YOD1: variants seen among roughly 807,000 people sequenced by gnomAD.
YOD1 encodes YOD1 deubiquitinase.
A neutral mutation model predicts 23.7 loss-of-function variants in YOD1; 17 were observed. The ratio of observed to expected loss-of-function variants is 0.72; its 90% CI spans 0.49 to 1.07. The LOEUF (loss-of-function observed/expected upper bound fraction) is 1.07, where lower values mean the gene tolerates loss of function less well. Among genes scored for constraint, YOD1 ranks in the 50% least tolerant of loss-of-function variants. The pLI is 0.00. For synonymous variants in YOD1, 191 were observed against 169.6 expected, an observed-to-expected ratio of 1.13 and a Z score of -0.98; for missense variants, 413 against 447.2, an observed-to-expected ratio of 0.92 and a Z score of 0.69.
chr1:207,052,331 A>T, upstream of YOD1: 1 of 1,087,546 alleles, frequency 9.2e-7, no homozygotes, highest in Non-Finnish European at 1.4e-6. Context: ...AGCCTGGGTT[A>T]GGGGGTAGGT....
Position 207,049,231 on chromosome 1 carries a change from T to A in YOD1, c.836A>T (p.Asp279Val), listed in dbSNP as rs779118246. ...GGAGAAAATGGTCAGAGGAGGTGTA[T>A]CTGGATCAGGGAAGTTACGCTGAAG... is the stretch of plus-strand genomic sequence containing the variant. ...DPLQRNFPDP[D>V]TPPLTIFSSN... is the part of the protein sequence containing the mutation. Residue 279 changes from aspartate to valine, a missense_variant, in exon 2 of 2, where the codon GAT (aspartate) becomes GTT (valine). Physicochemically the swap from Asp to Val is radical, Grantham distance 152 (BLOSUM62 -3). Transcript: ENST00000315927. 2 of 1,614,122 alleles carry A rather than the reference T, an allele frequency of 1.2e-6. No individual in the cohort carries two copies. Among genetic ancestry groups the A allele is most frequent in the South Asian group, 2.2e-5 (2 of 91,086 alleles).
chr1:207,049,759 A>T (rs1434161809), intron 1 of YOD1, 36 bp from the exon 2 acceptor site: 3 of 1,563,666 alleles, frequency 1.9e-6, no homozygotes, highest in Non-Finnish European at 2.6e-6. Context: ...TCTGCAAAGA[A>T]ATTACAGAAG....
rs1483857802 is a variant in YOD1 at position 207,048,486 on chromosome 1, C to A, written c.*534G>T. 1.3e-5 allele frequency: 2 copies of A among 153,832 alleles called. No homozygotes were observed. Among genetic ancestry groups the A allele is most frequent in the South Asian group, 2.0e-4 (1 of 4,932 alleles). The allele number at this position is 153,832 out of a possible 1,614,324, so 9.5% of individuals were successfully genotyped here. ...CAATTCATAATTTAGAAACTTAACT[C>A]ATTCAGAGTTTTTAAAAAGACTCAG... On this transcript the variant is annotated 3_prime_UTR_variant, in exon 2 of 2. Transcript: ENST00000315927.
chr1:207,047,113 A>C lies in YOD1; in HGVS notation c.*1907T>G, dbSNP rs939850280. 3 of 152,584 alleles carry C rather than the reference A, an allele frequency of 2.0e-5. No individual in the cohort carries two copies. The highest frequency in any genetic ancestry group is 7.2e-5 in the African/African-American group (3 of 41,466). 9.5% of individuals were successfully genotyped at this position (152,584 alleles called of 1,614,324 possible). On this transcript the variant is annotated 3_prime_UTR_variant, in exon 2 of 2. Coordinates refer to ENST00000315927, the MANE Select transcript of YOD1 (RefSeq NM_018566.4). ...AAACCAAAACCATCCAGATCAGATGAGAGTCAGGTGTGGAGAGATTTTCAA... is the reference window on the plus strand; with the variant it reads ...AAACCAAAACCATCCAGATCAGATGCGAGTCAGGTGTGGAGAGATTTTCAA...
upstream of YOD1, among the ~76,000 whole-genome samples, chr1:207,051,850 A>G (rs1244788072): frequency 6.6e-6 from 1 of 152,244 alleles, no homozygotes; most frequent in Non-Finnish European, 1.5e-5. Flanking sequence ...TGTGCCTCGC[A>G]AATAAAAAGT....
rs1489259329 is a variant in YOD1 at position 207,048,114 on chromosome 1, T to G, written c.*906A>C. 1 of 152,616 alleles carries G rather than the reference T, an allele frequency of 6.6e-6. No individual in the cohort carries two copies. Among genetic ancestry groups the G allele is most frequent in the Non-Finnish European group, 1.5e-5 (1 of 68,032 alleles). The allele number at this position is 152,616 out of a possible 1,614,324, so 9.5% of individuals were successfully genotyped here. A position where few individuals can be genotyped will look rare whatever the true frequency, so the allele number is the denominator to read the frequency against. On this transcript the variant is annotated 3_prime_UTR_variant, in exon 2 of 2. Transcript: ENST00000315927. ...GAAGAAAAAACTGAGGACTCGAATT[T>G]CAAGGAATTTCAATTAAAAAAGTAC...
Position 207,049,234 on chromosome 1 carries a change from G to C in YOD1, c.833C>G (p.Pro278Arg). ...GAAAATGGTCAGAGGAGGTGTATCT[G>C]GATCAGGGAAGTTACGCTGAAGTGG... The part of the protein sequence containing the change: ...YDPLQRNFPD[P>R]DTPPLTIFSS... The change falls in exon 2 of 2, where the codon CCA becomes CGA. Residue 278 changes from proline (P) to arginine (R), a missense_variant. Pro to Arg is a moderately radical substitution (Grantham distance 103). Coordinates refer to ENST00000315927, the MANE Select transcript of YOD1 (RefSeq NM_018566.4). 6.2e-7 allele frequency: 1 copy of C among 1,614,106 alleles called. No individual in the cohort carries two copies. Among genetic ancestry groups the C allele is most frequent in the Non-Finnish European group, 8.5e-7 (1 of 1,180,016 alleles).
upstream of YOD1, among the ~76,000 whole-genome samples, chr1:207,051,562 G>C (rs886334586): frequency 3.3e-5 from 5 of 152,208 alleles, no homozygotes; most frequent in Admixed American, 1.3e-4. Flanking sequence ...TGCCACTTCA[G>C]AAAGCACAGT....
At chr1:207,051,363 A>G (rs974910573), upstream of YOD1, among the ~76,000 whole-genome samples, 1 of 152,188 alleles carries the variant, frequency 6.6e-6, no homozygotes, top group Non-Finnish European at 1.5e-5. Context: ...AGACTACACC[A>G]GGAGAAACAG....
At position 207,045,615 on chromosome 1, in the gene YOD1, A is replaced by T. The variant is rs1682581048; in HGVS notation, c.*3405T>A. On this transcript the variant is annotated 3_prime_UTR_variant, in exon 2 of 2. Transcript: ENST00000315927. The stretch of plus-strand genomic sequence containing the variant: ...GATTTGTCAAAAAAAAAAAAAAATC[A>T]CTCTTGCTTAATCTTGCATACTTCC... The T allele has an allele frequency of 6.6e-6, 1 of 151,654 alleles. No homozygotes were observed. The highest frequency in any genetic ancestry group is 2.4e-5 in the African/African-American group (1 of 41,188). 9.4% of individuals were successfully genotyped at this position (151,654 alleles called of 1,614,324 possible).
At position 207,045,339 on chromosome 1, in the gene YOD1, GA is replaced by G. The variant is rs1334031346; in HGVS notation, c.*3680del. 2 of 152,442 alleles carry G rather than the reference GA, an allele frequency of 1.3e-5. No individual in the cohort carries two copies. Among genetic ancestry groups the G allele is most frequent in the Non-Finnish European group, 2.9e-5 (2 of 67,920 alleles). 9.4% of individuals were successfully genotyped at this position (152,442 alleles called of 1,614,324 possible). A position where few individuals can be genotyped will look rare whatever the true frequency, so the allele number is the denominator to read the frequency against. ...ACAGACCATGCTCCTAATAGTTACT[GA>G]AATTGAGTTCTACTGTTATCAAAAC... On this transcript the variant is annotated 3_prime_UTR_variant, in exon 2 of 2. Transcript: ENST00000315927.
intron 1 of YOD1, 146 bp downstream of exon 1, chr1:207,050,542 T>C: frequency 9.6e-7 from 1 of 1,044,042 alleles, no homozygotes. Flanking sequence ...CCGTCAGCAT[T>C]CTCTGTTCTT....
upstream of YOD1, among the ~76,000 whole-genome samples, chr1:207,052,619 T>C (rs1041805976): frequency 1.3e-5 from 2 of 152,096 alleles, no homozygotes; most frequent in Admixed American, 1.3e-4. Context: ...GCCATTGCAC[T>C]CCAGCCTGGG....
In YOD1 at chr1:207,046,684, C is replaced by CTTTGT. The variant is rs2102322905; in HGVS notation, c.*2335_*2336insACAAA. 1 of 152,196 alleles carries CTTTGT rather than the reference C, an allele frequency of 6.6e-6. No homozygotes were observed. The highest frequency in any genetic ancestry group is 2.1e-4 in the South Asian group (1 of 4,820). 9.4% of individuals were successfully genotyped at this position (152,196 alleles called of 1,614,324 possible). On this transcript the variant is annotated 3_prime_UTR_variant, in exon 2 of 2. Coordinates refer to ENST00000315927, the MANE Select transcript of YOD1 (RefSeq NM_018566.4). ...AGATCCCCTGAATAAATACTTGACA[C>CTTTGT]TTAATATGTAAACAAAGCCCTTACA...
At chr1:207,051,687 T>C (rs754324437), upstream of YOD1, among the ~76,000 whole-genome samples, 8 of 152,210 alleles carry the variant, frequency 5.3e-5, no homozygotes, top group Non-Finnish European at 8.8e-5. Flanking sequence ...CATACAAATA[T>C]GAAGACTTCA....
chr1:207,048,947 C>A lies in YOD1; in HGVS notation c.*73G>T. On this transcript the variant is annotated 3_prime_UTR_variant, in exon 2 of 2. Coordinates refer to ENST00000315927, the MANE Select transcript of YOD1 (RefSeq NM_018566.4). ...TGTATCCTTTGTTCTTTAGGGTTAC[C>A]ATAGCTTATTGGAAAACCCAGAGCC... The A allele has an allele frequency of 7.3e-7, 1 of 1,369,040 alleles. No homozygotes were observed. Among genetic ancestry groups the A allele is most frequent in the Admixed American group, 2.1e-5 (1 of 48,750 alleles). 84.8% of individuals were successfully genotyped at this position (1,369,040 alleles called of 1,614,324 possible).
chr1:207,052,826 T>C (rs1218623335), upstream of YOD1: 2 of 152,340 alleles, frequency 1.3e-5, no homozygotes, highest in East Asian at 3.9e-4. Flanking sequence ...TCAAGTGTTG[T>C]GGTAGTTTAT....
rs1401081729 is a variant in YOD1 at position 207,049,697 on chromosome 1, G to T, written c.370C>A (p.Gln124Lys). 6.2e-7 allele frequency: 1 copy of T among 1,613,706 alleles called. No homozygotes were observed. The highest frequency in any genetic ancestry group is 8.5e-7 in the Non-Finnish European group (1 of 1,179,930). ...SGDMLIIEED[Q>K]TRPRSSPAFT... The stretch of plus-strand genomic sequence containing the variant: ...GCAGGTGAACTTCTGGGCCTGGTTT[G>T]GTCTTCTTCAATGATCAGCATGTCA... The change falls in exon 2 of 2, where the codon CAA becomes AAA. Residue 124 changes from glutamine to lysine, a missense_variant. Coordinates refer to ENST00000315927, the MANE Select transcript of YOD1 (RefSeq NM_018566.4).
chr1:207,050,219 G>T (rs975699390), intron 1 of YOD1, among the ~76,000 whole-genome samples: 5 of 152,172 alleles, frequency 3.3e-5, no homozygotes, highest in African/African-American at 1.2e-4. Context: ...AGAGCTTTCA[G>T]TGGGTGTTTT....
Sources: allele counts gnomAD v4.1 joint callset (sites outside exome capture counted in the v4.1 genomes callset), GRCh38; gene constraint gnomAD v4.1.1; transcripts MANE v1.5; gene names NCBI Gene and HGNC (gene_info 2026-07-23, HGNC 2026-07-21).